The following PSMA1 variants were observed in gnomAD, a reference collection of about 807,000 sequenced individuals.
The protein encoded by PSMA1 is proteasome subunit alpha type-1.
PSMA1 carries 3 observed loss-of-function variants against 38.4 expected under a neutral mutation model. The ratio of observed to expected loss-of-function variants is 0.08; its 90% CI spans 0.04 to 0.20. The LOEUF (loss-of-function observed/expected upper bound fraction) is 0.20. Among genes scored for constraint, PSMA1 ranks in the 10% least tolerant of loss-of-function variants. PSMA1 has a pLI of 1.00. For missense variants in PSMA1, 227 were observed against 325.3 expected (o/e 0.70, Z 2.32); for synonymous variants, 101 against 107.1 (o/e 0.94, Z 0.35).
At position 14,592,051 on chromosome 11, in the gene PSMA1, C is replaced by T. The variant is rs1050428029; in HGVS notation, c.21+18915G>A. On this transcript the variant is annotated intron_variant, in intron 2 of 10. Coordinates refer to the PSMA1 transcript ENST00000418988. ...GGAAGGAACAACTCCAGACATGCTG[C>T]CTTAAGAGCTGTAACACTCACTGCG... 5.3e-5 allele frequency among the ~76,000 whole-genome samples: 8 copies of T among 151,498 alleles called. No individual in the cohort carries two copies. In the South Asian group the frequency reaches 1.5e-3, roughly 28 times the overall value.
intron 7 of PSMA1, among the ~76,000 whole-genome samples, chr11:14,511,555 T>G: frequency 6.6e-6 from 1 of 152,166 alleles, no homozygotes; most frequent in South Asian, 2.1e-4. Context: ...GGAGAAAACC[T>G]GCATAACCAC....
intron 1 of PSMA1, among the ~76,000 whole-genome samples, chr11:14,628,618 A>C (rs753725293): frequency 1.9e-4 from 29 of 149,096 alleles, no homozygotes; most frequent in Non-Finnish European, 3.9e-4. Flanking sequence ...ATAATGCCGC[A>C]ATAAACATAC....
chr11:14,627,565 T>A (rs780575446), intron 1 of PSMA1, among the ~76,000 whole-genome samples: 1 of 152,190 alleles, frequency 6.6e-6, no homozygotes, highest in Non-Finnish European at 1.5e-5. Context: ...AACTACTAGA[T>A]GTGTAATCTT....
At chr11:14,508,934 A>T (rs1482539539) in intron 8 of PSMA1, among the ~76,000 whole-genome samples, 2 of 151,578 alleles carry the variant, frequency 1.3e-5, no homozygotes, top group Non-Finnish European at 2.9e-5. Flanking sequence ...CACCTAACTC[A>T]TCTCCCAGTT....
intron 1 of PSMA1, among the ~76,000 whole-genome samples, chr11:14,621,902 G>A (rs1416738390): frequency 6.6e-6 from 1 of 152,118 alleles, no homozygotes; most frequent in African/African-American, 2.4e-5. Flanking sequence ...TGCTTTTTAT[G>A]TGCCAGACAC....
At chr11:14,635,200 A>C (rs547741886) in intron 1 of PSMA1, among the ~76,000 whole-genome samples, 2 of 152,360 alleles carry the variant, frequency 1.3e-5, no homozygotes, top group East Asian at 3.9e-4. Flanking sequence ...CATGAAGTTT[A>C]CTGGTTAAAG....
intron 2 of PSMA1, among the ~76,000 whole-genome samples, chr11:14,537,642 A>G (rs1851724817): frequency 6.6e-6 from 1 of 151,214 alleles, no homozygotes; most frequent in South Asian, 2.1e-4. Flanking sequence ...ATTATTAAAT[A>G]TAAAATAAAA....
At chr11:14,575,409 C>G (rs888491283) in intron 2 of PSMA1, among the ~76,000 whole-genome samples, 2 of 151,988 alleles carry the variant, frequency 1.3e-5, no homozygotes, top group Non-Finnish European at 2.9e-5. Flanking sequence ...TCCCTCCCCC[C>G]TACCCCCACC....
intron 2 of PSMA1, among the ~76,000 whole-genome samples, chr11:14,544,567 C>T (rs1034931010): frequency 7.2e-5 from 11 of 151,902 alleles, no homozygotes; most frequent in Admixed American, 6.6e-4. Context: ...GCCAATAAGC[C>T]CATAGAAGAT....
intron 4 of PSMA1, among the ~76,000 whole-genome samples, chr11:14,516,385 T>C (rs527380195): frequency 1.3e-5 from 2 of 152,282 alleles, no homozygotes; most frequent in South Asian, 2.1e-4. Context: ...TTAAAATTTT[T>C]TGTAGAGATG....
chr11:14,532,637 GA>G (rs1851660261), intron 2 of PSMA1, among the ~76,000 whole-genome samples: 2 of 144,780 alleles, frequency 1.4e-5, no homozygotes, highest in African/African-American at 2.6e-5. Flanking sequence ...ATACATTGAA[GA>G]TTTTTTTTCA....
In PSMA1 at chr11:14,506,465, T is replaced by TA. The variant is rs565847585; in HGVS notation, c.735+1190dup. Reference sequence around the variant, plus strand: ...AGTACCAACAATATCCTTTCCAAGTTAAAAAAACTCATGCTGTAGAAATTT... The same window carrying TA: ...AGTACCAACAATATCCTTTCCAAGTTAAAAAAAACTCATGCTGTAGAAATTT... On this transcript the variant is annotated intron_variant, in intron 9 of 9. Coordinates refer to ENST00000396394, the MANE Select transcript of PSMA1 (RefSeq NM_002786.4). Among the ~76,000 whole-genome samples, 1,188 of 152,216 alleles carry TA rather than the reference T, an allele frequency of 7.8e-3. 5 individuals carry two copies. The highest frequency in any genetic ancestry group is 0.013 in the Non-Finnish European group (853 of 68,012).
At chr11:14,611,252 C>G (rs1852705061) in intron 1 of PSMA1, 1 of 446,252 alleles carries the variant, frequency 2.2e-6, no homozygotes, top group Non-Finnish European at 4.0e-6. Context: ...CTTCTCCTCT[C>G]CTGGGGGTAA....
chr11:14,530,037 T>C (rs941365940), intron 2 of PSMA1, among the ~76,000 whole-genome samples: 2 of 152,204 alleles, frequency 1.3e-5, no homozygotes, highest in African/African-American at 4.8e-5. Context: ...ATACCTAGAA[T>C]AGGCGAATAC....
At chr11:14,586,865 A>C (rs1216932149) in intron 2 of PSMA1, among the ~76,000 whole-genome samples, 2 of 151,776 alleles carry the variant, frequency 1.3e-5, no homozygotes, top group African/African-American at 4.8e-5. Flanking sequence ...GATTCAAGCC[A>C]TTCTCCTGCC....
intron 7 of PSMA1, among the ~76,000 whole-genome samples, chr11:14,511,745 C>CA (rs994466970): frequency 3.3e-5 from 5 of 151,572 alleles, no homozygotes; most frequent in African/African-American, 1.2e-4. Context: ...AGTTTAGGAA[C>CA]AAAAAAAAGA....
intron 2 of PSMA1, among the ~76,000 whole-genome samples, chr11:14,537,011 TGATGGAAGGAG>T (rs1851716815): frequency 6.6e-6 from 1 of 152,250 alleles, no homozygotes; most frequent in Non-Finnish European, 1.5e-5. Context: ...AGACATTTTA[TGATGGAAGGAG>T]TATGCTTACA....
chr11:14,606,556 G>A (rs1478919227), intron 2 of PSMA1, among the ~76,000 whole-genome samples: 1 of 152,116 alleles, frequency 6.6e-6, no homozygotes, highest in African/African-American at 2.4e-5. Flanking sequence ...CAGGCCTACA[G>A]GACCAAACCT....
intron 2 of PSMA1, among the ~76,000 whole-genome samples, chr11:14,526,724 C>T (rs1851589581): frequency 6.6e-6 from 1 of 152,190 alleles, no homozygotes; most frequent in Admixed American, 6.5e-5. Flanking sequence ...ACCTGACCCC[C>T]ATGACTGTAT....
Sources: allele counts gnomAD v4.1 joint callset (sites outside exome capture counted in the v4.1 genomes callset), GRCh38; gene constraint gnomAD v4.1.1; transcripts MANE v1.5; gene names NCBI Gene and HGNC (gene_info 2026-07-23, HGNC 2026-07-21).